The following RCAN2 variants were observed in gnomAD, a reference collection of about 807,000 sequenced individuals.
RCAN2 encodes the protein regulator of calcineurin 2.
Under a neutral mutation model 23.6 loss-of-function variants are expected in RCAN2, and 9 were observed. The ratio of observed to expected loss-of-function variants is 0.38; its 90% CI spans 0.23 to 0.67. RCAN2 has a LOEUF of 0.67. RCAN2 is among the 30% of genes least tolerant of loss of function. The pLI is 0.51. For missense variants in RCAN2, 273 were observed against 302.3 expected (o/e 0.90, Z 0.72); for synonymous variants, 109 against 115.7 (o/e 0.94, Z 0.37).
At chr6:46,383,722 C>T (rs1450188729) in intron 2 of RCAN2, among the ~76,000 whole-genome samples, 1 of 152,140 alleles carries the variant, frequency 6.6e-6, no homozygotes, top group African/African-American at 2.4e-5. Context: ...CCACATGTGG[C>T]TACTGGCCAA....
intron 2 of RCAN2, among the ~76,000 whole-genome samples, chr6:46,418,984 A>C (rs1490416187): frequency 6.6e-6 from 1 of 151,872 alleles, no homozygotes; most frequent in Non-Finnish European, 1.5e-5. Context: ...GCTACTTGGG[A>C]AGCGGAGGCT....
intron 2 of RCAN2, among the ~76,000 whole-genome samples, chr6:46,253,568 G>A (rs926749424): frequency 1.6e-4 from 24 of 152,158 alleles, no homozygotes; most frequent in African/African-American, 5.3e-4. Flanking sequence ...ACAAAGGTAT[G>A]TGCTTAAGGT....
At chr6:46,261,847 T>G (rs1393204090) in intron 2 of RCAN2, among the ~76,000 whole-genome samples, 1 of 152,162 alleles carries the variant, frequency 6.6e-6, no homozygotes, top group African/African-American at 2.4e-5. Flanking sequence ...ACATGATAAA[T>G]TAAATAATTC....
At chr6:46,332,955 T>C (rs1434635447) in intron 2 of RCAN2, among the ~76,000 whole-genome samples, 1 of 152,214 alleles carries the variant, frequency 6.6e-6, no homozygotes, top group East Asian at 1.9e-4. Context: ...TTTCTCCACA[T>C]ACTCTCCAGC....
At chr6:46,252,175 G>C (rs1048179544) in intron 2 of RCAN2, among the ~76,000 whole-genome samples, 6 of 152,078 alleles carry the variant, frequency 3.9e-5, no homozygotes, top group Admixed American at 3.3e-4. Context: ...AAATTAGTTA[G>C]AGGCAGATCC....
chr6:46,391,249 G>A (rs577753120), intron 2 of RCAN2, among the ~76,000 whole-genome samples: 4 of 152,312 alleles, frequency 2.6e-5, no homozygotes, highest in African/African-American at 9.6e-5. Context: ...CATGTCTTTT[G>A]TAGGGACATG....
At chr6:46,419,925 C>A (rs976294328) in intron 2 of RCAN2, among the ~76,000 whole-genome samples, 2 of 152,108 alleles carry the variant, frequency 1.3e-5, no homozygotes, top group African/African-American at 2.4e-5. Context: ...ACATTAACAA[C>A]CAAAAAAGTC....
At chr6:46,296,116 T>A (rs1441288041) in intron 2 of RCAN2, among the ~76,000 whole-genome samples, 1 of 151,456 alleles carries the variant, frequency 6.6e-6, no homozygotes, top group Non-Finnish European at 1.5e-5. Context: ...TGTGTGTGTG[T>A]GCTGTCTTTG....
chr6:46,364,889 TG>T, intron 2 of RCAN2, among the ~76,000 whole-genome samples: 1 of 152,284 alleles, frequency 6.6e-6, no homozygotes, highest in African/African-American at 2.4e-5. Context: ...CTGGCTTCTT[TG>T]CTGTCCTTTG....
At chr6:46,321,337 G>T (rs865965733) in intron 2 of RCAN2, among the ~76,000 whole-genome samples, 1 of 152,152 alleles carries the variant, frequency 6.6e-6, no homozygotes, top group East Asian at 1.9e-4. Context: ...GCTCCGTGAG[G>T]GCAGGGACGT....
intron 2 of RCAN2, among the ~76,000 whole-genome samples, chr6:46,367,932 C>T (rs1765218267): frequency 6.6e-6 from 1 of 152,156 alleles, no homozygotes; most frequent in Admixed American, 6.5e-5. Context: ...ATTCAACTGG[C>T]TCCAACAAAC....
At chr6:46,224,584 C>A (rs1292045329) in intron 4 of RCAN2, among the ~76,000 whole-genome samples, 1 of 152,290 alleles carries the variant, frequency 6.6e-6, no homozygotes, top group Non-Finnish European at 1.5e-5. Context: ...CACTTCCCCT[C>A]CAGAGTTCCC....
chr6:46,434,919 C>T (rs539064192), intron 2 of RCAN2, among the ~76,000 whole-genome samples: 5 of 152,310 alleles, frequency 3.3e-5, no homozygotes, highest in East Asian at 3.9e-4. Context: ...CAGTCAGAAA[C>T]GTCAGTAATT....
intron 2 of RCAN2, among the ~76,000 whole-genome samples, chr6:46,249,340 A>G (rs1186884992): frequency 8.3e-6 from 1 of 120,526 alleles, no homozygotes; most frequent in Non-Finnish European, 1.7e-5. Flanking sequence ...TTTTTTTTAG[A>G]CAGAGTCTTG....
chr6:46,451,891 T>C (rs1284494026), intron 2 of RCAN2, among the ~76,000 whole-genome samples: 4 of 152,156 alleles, frequency 2.6e-5, no homozygotes, highest in African/African-American at 9.6e-5. Flanking sequence ...AGAATTACCA[T>C]CTTATTTTTA....
At chr6:46,385,262 A>G (rs921825193) in intron 2 of RCAN2, among the ~76,000 whole-genome samples, 3 of 152,226 alleles carry the variant, frequency 2.0e-5, no homozygotes, top group Non-Finnish European at 4.4e-5. Flanking sequence ...GAGAGCATTC[A>G]GTAGCCAAAC....
At position 46,428,322 on chromosome 6, in the gene RCAN2, C is replaced by T. The variant is rs1192364437; in HGVS notation, c.225+28430G>A. 2.0e-5 allele frequency among the ~76,000 whole-genome samples: 3 copies of T among 152,178 alleles called. No homozygotes were observed. In the East Asian group the frequency reaches 5.8e-4, roughly 29 times the overall value. On this transcript the variant is annotated intron_variant, in intron 2 of 4. Coordinates refer to ENST00000371374, the MANE Select transcript of RCAN2 (RefSeq NM_001251974.2). ...AAGAATGATGCCAAAAAAAAAGTCC[C>T]TCACCACAGCAGCGTCACCTTGTAG...
At chr6:46,481,158 C>T (rs1768848767) in intron 1 of RCAN2, among the ~76,000 whole-genome samples, 1 of 152,148 alleles carries the variant, frequency 6.6e-6, no homozygotes. Context: ...TTATTGTCTA[C>T]AGGGAGGTGT....
chr6:46,427,408 A>G (rs1316099344), intron 2 of RCAN2, among the ~76,000 whole-genome samples: 1 of 152,194 alleles, frequency 6.6e-6, no homozygotes, highest in Non-Finnish European at 1.5e-5. Flanking sequence ...AAATGGATGT[A>G]AGTATTAGTA....
Sources: allele counts gnomAD v4.1 joint callset (sites outside exome capture counted in the v4.1 genomes callset), GRCh38; gene constraint gnomAD v4.1.1; transcripts MANE v1.5; gene names NCBI Gene and HGNC (gene_info 2026-07-23, HGNC 2026-07-21).